The following MYO1E variants were observed in gnomAD, a reference collection of about 807,000 sequenced individuals.
The protein encoded by MYO1E is unconventional myosin-Ie.
Under a neutral mutation model 151.1 loss-of-function variants are expected in MYO1E, and 68 were observed. That is an observed-to-expected ratio of 0.45 (90% CI 0.37 to 0.55). The LOEUF is 0.55. Among genes scored for constraint, MYO1E ranks in the 20% least tolerant of loss-of-function variants. The pLI is 0.00. For synonymous variants in MYO1E, 601 were observed against 501.7 expected (o/e 1.20, Z -2.64); for missense variants, 1,363 against 1,389.3 (o/e 0.98, Z 0.30).
rs970019072 is a variant in MYO1E, at chr15:59,151,119, C to G, written c.3080+2471G>C. On this transcript the variant is annotated intron_variant, in intron 26 of 27. Transcript: ENST00000288235. ...CGGCATCCACTCTACTGATGGCTGT[C>G]TGTGTGATAAAACTAAGGTGCTTTC... Among the ~76,000 whole-genome samples, 13 of 151,822 alleles carry G rather than the reference C, an allele frequency of 8.6e-5. No homozygotes were observed. The East Asian group carries it at 1.2e-3, about 14-fold the overall frequency.
At chr15:59,242,866 T>G (rs1219479467) in intron 4 of MYO1E, among the ~76,000 whole-genome samples, 6 of 152,056 alleles carry the variant, frequency 3.9e-5, no homozygotes, top group African/African-American at 9.7e-5. Context: ...ATGGGTAGAC[T>G]CAGCCTGAAG....
At chr15:59,281,868 G>A (rs1291893223) in intron 1 of MYO1E, among the ~76,000 whole-genome samples, 1 of 151,794 alleles carries the variant, frequency 6.6e-6, no homozygotes, top group Non-Finnish European at 1.5e-5. Flanking sequence ...GGAAGCAAAG[G>A]TGAAAGGATT....
At chr15:59,204,607 C>CA (rs1350555821) in intron 15 of MYO1E, among the ~76,000 whole-genome samples, 1 of 152,158 alleles carries the variant, frequency 6.6e-6, no homozygotes, top group East Asian at 1.9e-4. Flanking sequence ...GGGAGGAAGG[C>CA]AGAGGTGGTC....
At chr15:59,209,025 T>A in intron 13 of MYO1E, 177 bp from the exon 14 acceptor site, 1 of 754,874 alleles carries the variant, frequency 1.3e-6, no homozygotes, top group Non-Finnish European at 2.2e-6. Flanking sequence ...AGTCACCACT[T>A]AGATCTAAAG....
At chr15:59,205,158 T>G (rs1254733892) in intron 15 of MYO1E, among the ~76,000 whole-genome samples, 1 of 152,208 alleles carries the variant, frequency 6.6e-6, no homozygotes, top group African/African-American at 2.4e-5. Flanking sequence ...TGTTTTTGTT[T>G]TTTTCTTTAT....
chr15:59,352,862 T>C (rs2080831133), intron 1 of MYO1E, among the ~76,000 whole-genome samples: 1 of 152,300 alleles, frequency 6.6e-6, no homozygotes, highest in Admixed American at 6.5e-5. Context: ...GGAGGAGCCA[T>C]TGAAAACTCT....
chr15:59,230,417 A>G (rs2080021181), intron 6 of MYO1E, among the ~76,000 whole-genome samples: 1 of 152,128 alleles, frequency 6.6e-6, no homozygotes, highest in Non-Finnish European at 1.5e-5. Context: ...ATCAATGAAA[A>G]TATCAATTTA....
intron 26 of MYO1E, among the ~76,000 whole-genome samples, chr15:59,144,146 T>C (rs536107405): frequency 6.6e-6 from 1 of 151,974 alleles, no homozygotes; most frequent in South Asian, 2.1e-4. Context: ...CCTTTTTCTT[T>C]TTCCTTTTAT....
At chr15:59,351,829 G>T (rs2080825126) in intron 1 of MYO1E, among the ~76,000 whole-genome samples, 1 of 152,180 alleles carries the variant, frequency 6.6e-6, no homozygotes, top group Non-Finnish European at 1.5e-5. Context: ...AATTCTAAAA[G>T]GAAAACCAGG....
intron 6 of MYO1E, among the ~76,000 whole-genome samples, chr15:59,231,240 G>C (rs904916022): frequency 6.6e-6 from 1 of 152,146 alleles, no homozygotes; most frequent in Non-Finnish European, 1.5e-5. Flanking sequence ...GGGATGGAGA[G>C]GAGGAAGTTT....
intron 13 of MYO1E, among the ~76,000 whole-genome samples, chr15:59,209,815 CTTTTTTTT>C (rs71119441): frequency 1.0e-4 from 5 of 49,838 alleles, no homozygotes; most frequent in African/African-American, 2.0e-4. Context: ...TTTGAATCAC[CTTTTTTTT>C]TTTTTTTTTT....
chr15:59,248,450 G>A (rs1024734762), intron 4 of MYO1E, among the ~76,000 whole-genome samples: 1 of 116,256 alleles, frequency 8.6e-6, no homozygotes, highest in East Asian at 2.7e-4. Context: ...TCACACCACT[G>A]AACTCCAGCC....
At chr15:59,215,001 G>A (rs1726431921) in intron 10 of MYO1E, among the ~76,000 whole-genome samples, 2 of 152,138 alleles carry the variant, frequency 1.3e-5, no homozygotes, top group Non-Finnish European at 2.9e-5. Context: ...GCTTTTTCAG[G>A]AAGTCTTAAC....
At chr15:59,241,635 C>A (rs2080100157) in intron 4 of MYO1E, among the ~76,000 whole-genome samples, 1 of 152,082 alleles carries the variant, frequency 6.6e-6, no homozygotes, top group African/African-American at 2.4e-5. Flanking sequence ...ACCTAGGGGA[C>A]AGAGGTTGCA....
chr15:59,295,869 G>T (rs1465317720), intron 1 of MYO1E, among the ~76,000 whole-genome samples: 1 of 152,146 alleles, frequency 6.6e-6, no homozygotes, highest in African/African-American at 2.4e-5. Flanking sequence ...TCTGTCTAGT[G>T]TAACAATGGC....
At chr15:59,293,364 G>T (rs1183432594) in intron 1 of MYO1E, among the ~76,000 whole-genome samples, 1 of 151,976 alleles carries the variant, frequency 6.6e-6, no homozygotes, top group Non-Finnish European at 1.5e-5. Context: ...TGGCCAACAT[G>T]GTGAAACCCC....
Position 59,301,817 on chromosome 15 carries a change from T to C in MYO1E, c.4-29368A>G, listed in dbSNP as rs1036437327. ...CTCTTTTGTTTCCAACCTCACAGGG[T>C]TGACTTCCAAGATAGAGAACGGGAA... On this transcript the variant is annotated intron_variant, in intron 1 of 27. Transcript: ENST00000288235. 8.5e-5 allele frequency among the ~76,000 whole-genome samples: 13 copies of C among 152,182 alleles called. No individual in the cohort carries two copies. In the East Asian group the frequency reaches 2.1e-3, roughly 25 times the overall value.
intron 1 of MYO1E, among the ~76,000 whole-genome samples, chr15:59,280,602 A>G (rs1389092140): frequency 2.6e-5 from 4 of 151,022 alleles, no homozygotes; most frequent in Admixed American, 1.3e-4. Flanking sequence ...AGCCTGGGCA[A>G]CAAGAGCGAA....
chr15:59,236,423 CACACAT>C (rs1473740910), intron 5 of MYO1E, among the ~76,000 whole-genome samples, 156 bp downstream of exon 5: 7 of 145,496 alleles, frequency 4.8e-5, no homozygotes, highest in African/African-American at 1.8e-4. Flanking sequence ...CACACACAAA[CACACAT>C]ACATATGCTA....
Sources: gnomAD v4.1 joint callset for allele counts (sites outside exome capture counted in the v4.1 genomes callset) on GRCh38, gnomAD v4.1.1 for gene constraint, MANE v1.5 for transcripts, NCBI Gene and HGNC (gene_info 2026-07-23, HGNC 2026-07-21) for gene names.